The following ASH1L variants were observed in gnomAD, a reference collection of about 807,000 sequenced individuals.
ASH1L encodes the protein histone-lysine N-methyltransferase ASH1L.
A neutral mutation model predicts 269.0 loss-of-function variants in ASH1L; 23 were observed. The ratio of observed to expected loss-of-function variants is 0.09; its 90% CI spans 0.06 to 0.12. The LOEUF is 0.12. Among genes scored for constraint, ASH1L ranks in the 10% least tolerant of loss-of-function variants. The pLI, the probability that ASH1L is intolerant of heterozygous loss-of-function variation, is 1.00. For synonymous variants in ASH1L, 1,187 were observed against 1,253.5 expected (o/e 0.95, Z 1.12); for missense variants, 2,912 against 3,567.8 (o/e 0.82, Z 4.68).
chr1:155,370,423 G>C, intron 12 of ASH1L, 81 bp downstream of exon 12: 2 of 1,565,992 alleles, frequency 1.3e-6, no homozygotes, highest in South Asian at 2.3e-5. Context: ...TAAGCTGACT[G>C]ACACTGGAAA....
chr1:155,493,629 A>C (rs922259636), intron 2 of ASH1L, among the ~76,000 whole-genome samples: 15 of 152,200 alleles, frequency 9.9e-5, no homozygotes, highest in Non-Finnish European at 7.3e-5. Context: ...ACACTTTGGG[A>C]GGCTGAGGCA....
intron 19 of ASH1L, among the ~76,000 whole-genome samples, chr1:155,348,971 T>G (rs1482602024): frequency 6.6e-6 from 1 of 151,648 alleles, no homozygotes; most frequent in Non-Finnish European, 1.5e-5. Flanking sequence ...TATGCATATT[T>G]CTGTATATTT....
intron 1 of ASH1L, among the ~76,000 whole-genome samples, chr1:155,557,445 T>G (rs183179052): frequency 4.0e-5 from 6 of 150,450 alleles, no homozygotes; most frequent in Non-Finnish European, 7.4e-5. Flanking sequence ...TTTTTTGGGT[T>G]TTTTTTTTGT....
Position 155,478,568 on chromosome 1 carries a change from G to C in ASH1L, c.4302C>G (p.Leu1434=). ...TTTTCTTATGGTATTTGGCAGGATT[G>C]AGAAGTAAATGACCAGCATGCATAT... The part of the protein sequence containing the change: ...PSYMHAGHLL[L]NPAKYHKKKH... Residue 1434 remains leucine, a synonymous_variant, in exon 3 of 28, where the codon CTC becomes CTG. Coordinates refer to ENST00000392403, the MANE Select transcript of ASH1L (RefSeq NM_018489.3). This position sits in a 1 kb window ranked among gnomAD's most constrained non-coding sequence, Gnocchi z 4.6. The C allele has an allele frequency of 6.2e-7, 1 of 1,614,076 alleles. No homozygotes were observed. The highest frequency in any genetic ancestry group is 8.5e-7 in the Non-Finnish European group (1 of 1,180,030).
At position 155,479,790 on chromosome 1, in the gene ASH1L, G is replaced by A; in HGVS notation, c.3080C>T (p.Ala1027Val). The stretch of plus-strand genomic sequence containing the variant: ...TTGGCCCAATTTAGAGCCAAATGTG[G>A]CAGCAAGACTTGATACCGTATTATG... ...KLHNTVSSLA[A>V]TFGSKLGQQI... The change falls in exon 3 of 28, where the codon GCC becomes GTC. Residue 1027 changes from alanine to valine, a missense_variant. Physicochemically the swap from Ala to Val is moderately conservative, Grantham distance 64. Coordinates refer to ENST00000392403, the MANE Select transcript of ASH1L (RefSeq NM_018489.3). 1 of 1,614,130 alleles carries A rather than the reference G, an allele frequency of 6.2e-7. No homozygotes were observed. The highest frequency in any genetic ancestry group is 1.1e-5 in the South Asian group (1 of 91,076).
intron 1 of ASH1L, among the ~76,000 whole-genome samples, chr1:155,526,657 A>C (rs372798431): frequency 1.3e-5 from 2 of 152,184 alleles, no homozygotes; most frequent in African/African-American, 4.8e-5. Context: ...TGATCACAGC[A>C]GTAGTCAGAT....
chr1:155,361,518 CAAAAAAAAAAAAA>C (rs1161207568), intron 12 of ASH1L, among the ~76,000 whole-genome samples: 14 of 36,400 alleles, frequency 3.8e-4, no homozygotes, highest in African/African-American at 1.4e-3. Flanking sequence ...CTCCATCTCA[CAAAAAAAAAAAAA>C]AAAAAAAAAA....
At chr1:155,365,428 G>A (rs1385233384) in intron 12 of ASH1L, among the ~76,000 whole-genome samples, 9 of 108,184 alleles carry the variant, frequency 8.3e-5, no homozygotes, top group Non-Finnish European at 1.1e-4. Context: ...TCACCATTTT[G>A]GCCAGGCTAG....
intron 2 of ASH1L, among the ~76,000 whole-genome samples, chr1:155,504,481 C>T (rs1667695975): frequency 6.6e-6 from 1 of 152,174 alleles, no homozygotes; most frequent in Non-Finnish European, 1.5e-5. Flanking sequence ...GACTTTCACT[C>T]TCTCATGAAG....
intron 2 of ASH1L, among the ~76,000 whole-genome samples, chr1:155,493,356 A>G (rs186248085): frequency 8.5e-5 from 13 of 152,346 alleles, no homozygotes; most frequent in Non-Finnish European, 1.6e-4. Flanking sequence ...TAACAAAGTA[A>G]ATGTATTTAG....
intron 4 of ASH1L, among the ~76,000 whole-genome samples, chr1:155,455,863 C>G (rs903883277): frequency 6.6e-6 from 1 of 152,158 alleles, no homozygotes; most frequent in Non-Finnish European, 1.5e-5. Context: ...GTCAGGAACT[C>G]CTTTTTCTTC....
At chr1:155,476,592 C>T (rs1263694498) in intron 3 of ASH1L, among the ~76,000 whole-genome samples, 1 of 150,794 alleles carries the variant, frequency 6.6e-6, no homozygotes, top group Admixed American at 6.6e-5. Flanking sequence ...CGCTCTGTTG[C>T]CCAGGCTGAA....
intron 6 of ASH1L, among the ~76,000 whole-genome samples, chr1:155,397,656 T>A (rs1658478135): frequency 6.6e-6 from 1 of 152,148 alleles, no homozygotes; most frequent in Non-Finnish European, 1.5e-5. Flanking sequence ...GTTCAAGTAA[T>A]TCTTGTGCCT....
rs746644416 is a variant in ASH1L, at chr1:155,478,846, G to T, written c.4024C>A (p.Arg1342=). Residue 1342 remains arginine, a synonymous_variant, in exon 3 of 28, where the codon CGA becomes AGA. Transcript: ENST00000392403. The surrounding 1 kb of genome is among the most constrained non-coding windows in gnomAD (Gnocchi z 4.6). The part of the protein sequence containing the change: ...SFPLDPLHYI[R]KPDLKKKRGR... ...CTTTTCTTTTTTAAGTCAGGTTTTC[G>T]AATGTAGTGCAAAGGGTCTAAGGGG... The T allele has an allele frequency of 1.9e-6, 3 of 1,613,940 alleles. No individual in the cohort carries two copies. Among genetic ancestry groups the T allele is most frequent in the Non-Finnish European group, 1.7e-6 (2 of 1,180,000 alleles).
chr1:155,424,895 A>AC (rs1661008076), intron 5 of ASH1L, among the ~76,000 whole-genome samples: 1 of 149,900 alleles, frequency 6.7e-6, no homozygotes, highest in African/African-American at 2.5e-5. Flanking sequence ...AACCTTCGCT[A>AC]CCCAGGGTTC....
At chr1:155,444,165 A>G (rs1391938044) in intron 4 of ASH1L, among the ~76,000 whole-genome samples, 3 of 151,888 alleles carry the variant, frequency 2.0e-5, no homozygotes, top group Non-Finnish European at 2.9e-5. Flanking sequence ...TGTTTTTAGT[A>G]GAGATAGAAT....
chr1:155,406,723 G>A (rs1659323249), intron 6 of ASH1L, among the ~76,000 whole-genome samples: 1 of 151,918 alleles, frequency 6.6e-6, no homozygotes, highest in Admixed American at 6.6e-5. Flanking sequence ...AAATAAAAAA[G>A]CTATAGTAAT....
At chr1:155,371,070 T>A in intron 10 of ASH1L, 87 bp from the exon 11 acceptor site, 1 of 1,083,520 alleles carries the variant, frequency 9.2e-7, no homozygotes, top group Non-Finnish European at 1.3e-6. Context: ...CATTTAAAAA[T>A]GAATACATGA....
chr1:155,426,737 CCTA>C, intron 5 of ASH1L, among the ~76,000 whole-genome samples: 1 of 152,260 alleles, frequency 6.6e-6, no homozygotes, highest in East Asian at 1.9e-4. Flanking sequence ...CTAGGCTACA[CCTA>C]CTATGTATCC....
Sources: gnomAD v4.1 joint callset for allele counts (sites outside exome capture counted in the v4.1 genomes callset) on GRCh38, gnomAD v4.1.1 for gene constraint, Gnocchi (gnomAD v3.1) non-coding constraint, MANE v1.5 for transcripts, NCBI Gene and HGNC (gene_info 2026-07-23, HGNC 2026-07-21) for gene names.